Variants in KIAA0232 observed in about 807,000 individuals in gnomAD.
KIAA0232 encodes the protein KIAA0232, also known as uncharacterized protein KIAA0232.
A neutral mutation model predicts 122.0 loss-of-function variants in KIAA0232; 27 were observed. The ratio of observed to expected loss-of-function variants is 0.22; its 90% CI spans 0.16 to 0.31. The LOEUF (loss-of-function observed/expected upper bound fraction) is 0.31. Among genes scored for constraint, KIAA0232 ranks in the 10% least tolerant of loss-of-function variants. KIAA0232 has a pLI of 1.00. For missense variants in KIAA0232, 1,551 were observed against 1,634.2 expected (o/e 0.95, Z 0.88); for synonymous variants, 613 against 587.6 (o/e 1.04, Z -0.63).
chr4:6,808,370 A>G (rs1717731072), intron 2 of KIAA0232, among the ~76,000 whole-genome samples: 1 of 151,184 alleles, frequency 6.6e-6, no homozygotes, highest in Non-Finnish European at 1.5e-5. Context: ...CAGGTAATGC[A>G]GTGTCTTGGG....
At chr4:6,803,183 T>C (rs1215352830) in intron 1 of KIAA0232, among the ~76,000 whole-genome samples, 1 of 141,172 alleles carries the variant, frequency 7.1e-6, no homozygotes, top group Non-Finnish European at 1.5e-5. Flanking sequence ...CTTTACCTCT[T>C]GAAAGAAATT....
intron 4 of KIAA0232, among the ~76,000 whole-genome samples, chr4:6,856,413 C>T (rs1428679806): frequency 6.6e-6 from 1 of 152,148 alleles, no homozygotes; most frequent in Non-Finnish European, 1.5e-5. Flanking sequence ...AATTGAGACT[C>T]TTAAAAGTTA....
intron 1 of KIAA0232, among the ~76,000 whole-genome samples, chr4:6,789,765 G>T (rs1223938972): frequency 6.6e-6 from 1 of 152,156 alleles, no homozygotes; most frequent in African/African-American, 2.4e-5. Flanking sequence ...ATGCTGGCTT[G>T]CCTATAATTC....
At chr4:6,788,688 T>G (rs950112773) in intron 1 of KIAA0232, among the ~76,000 whole-genome samples, 10 of 152,248 alleles carry the variant, frequency 6.6e-5, no homozygotes, top group African/African-American at 2.4e-4. Flanking sequence ...AATGTTTGAC[T>G]GAATTAACTC....
At chr4:6,869,235 C>T (rs1220369648) in intron 7 of KIAA0232, among the ~76,000 whole-genome samples, 2 of 152,172 alleles carry the variant, frequency 1.3e-5, no homozygotes, top group Admixed American at 1.3e-4. Context: ...TCTTAATCCT[C>T]AAGAAAGGAT....
intron 2 of KIAA0232, among the ~76,000 whole-genome samples, chr4:6,808,662 C>A (rs186206409): frequency 6.6e-6 from 1 of 151,988 alleles, no homozygotes; most frequent in East Asian, 1.9e-4. Context: ...TACATGGGAT[C>A]GTGAGAGAAT....
At chr4:6,871,943 C>T in intron 8 of KIAA0232, among the ~76,000 whole-genome samples, 1 of 152,168 alleles carries the variant, frequency 6.6e-6, no homozygotes, top group East Asian at 1.9e-4. Flanking sequence ...TAAGCCACCA[C>T]TGAGTCACAG....
At chr4:6,822,022 TTC>T (rs1321557553) in intron 2 of KIAA0232, among the ~76,000 whole-genome samples, 1 of 152,164 alleles carries the variant, frequency 6.6e-6, no homozygotes, top group Non-Finnish European at 1.5e-5. Flanking sequence ...TTTAAAATTT[TTC>T]TGTTTATGAC....
At position 6,883,453 on chromosome 4, in the gene KIAA0232, C is replaced by T. The variant is rs1274082298; in HGVS notation, c.*2487C>T. On this transcript the variant is annotated 3_prime_UTR_variant, in exon 10 of 10. Transcript: ENST00000307659. The stretch of plus-strand genomic sequence containing the variant: ...TTACTCATGAGCATCCGTGGAAGAG[C>T]AAGTGCCCAGGTTACATTTGTTCTA... The T allele has an allele frequency of 6.6e-6, 1 of 152,214 alleles. No individual in the cohort carries two copies. Among genetic ancestry groups the T allele is most frequent in the Non-Finnish European group, 1.5e-5 (1 of 68,046 alleles). The allele number at this position is 152,214 out of a possible 1,614,324, so 9.4% of individuals were successfully genotyped here. A position where few individuals can be genotyped will look rare whatever the true frequency, so the allele number is the denominator to read the frequency against.
chr4:6,879,662 G>T (rs1164721885), intron 9 of KIAA0232, among the ~76,000 whole-genome samples: 3 of 152,292 alleles, frequency 2.0e-5, no homozygotes, highest in Admixed American at 2.0e-4. Context: ...CTGAGGAGGG[G>T]CCACCACTGC....
intron 2 of KIAA0232, among the ~76,000 whole-genome samples, chr4:6,818,837 C>A (rs1251694541): frequency 6.6e-6 from 1 of 152,060 alleles, no homozygotes; most frequent in Non-Finnish European, 1.5e-5. Context: ...TACTGTAAGG[C>A]TACAGTAACC....
chr4:6,827,578 G>A (rs754815933), intron 3 of KIAA0232, among the ~76,000 whole-genome samples: 5 of 152,156 alleles, frequency 3.3e-5, no homozygotes, highest in Admixed American at 6.5e-5. Flanking sequence ...AGCCATGAGC[G>A]GCCAGTTTGA....
chr4:6,792,880 C>T (rs1309706532), intron 1 of KIAA0232, among the ~76,000 whole-genome samples: 5 of 151,810 alleles, frequency 3.3e-5, no homozygotes, highest in Non-Finnish European at 5.9e-5. Flanking sequence ...TTAGTAGAGA[C>T]GGGGTTTCAC....
chr4:6,847,704 G>T (rs957566812), intron 4 of KIAA0232, among the ~76,000 whole-genome samples: 2 of 152,110 alleles, frequency 1.3e-5, no homozygotes, highest in African/African-American at 4.8e-5. Context: ...AAAGAGGAAT[G>T]GTATTGTGAA....
rs1339293686 is a variant in KIAA0232 at position 6,861,278 on chromosome 4, C to T, written c.896C>T (p.Ser299Phe). 1.2e-6 allele frequency: 2 copies of T among 1,614,040 alleles called. No individual in the cohort carries two copies. The highest frequency in any genetic ancestry group is 3.3e-5 in the Admixed American group (2 of 59,984). Residue 299 changes from serine to phenylalanine, a missense_variant, in exon 7 of 10, where the codon TCC (serine) becomes TTC (phenylalanine). Ser to Phe is a radical substitution (Grantham distance 155, BLOSUM62 -2). Transcript: ENST00000307659. ...GGCTCCAGTGAAGCAGGCTCAAGTT[C>T]CAGTGGGAATCAGGGAGAATTAAAA... ...SSGSSEAGSS[S>F]SGNQGELKAS... is the part of the protein sequence containing the mutation.
chr4:6,830,290 A>C (rs1204207702), intron 3 of KIAA0232, among the ~76,000 whole-genome samples: 1 of 152,088 alleles, frequency 6.6e-6, no homozygotes, highest in Non-Finnish European at 1.5e-5. Flanking sequence ...TGGAGCATTT[A>C]CTGGTTTAAA....
chr4:6,789,608 A>G (rs1330022556), intron 1 of KIAA0232, among the ~76,000 whole-genome samples: 7 of 152,076 alleles, frequency 4.6e-5, no homozygotes, highest in Admixed American at 2.0e-4. Context: ...ACGTTCTTTC[A>G]TTAATTTTGT....
chr4:6,862,081 T>C lies in KIAA0232; in HGVS notation c.1699T>C (p.Trp567Arg). The C allele has an allele frequency of 6.2e-7, 1 of 1,614,198 alleles. No individual in the cohort carries two copies. Among genetic ancestry groups the C allele is most frequent in the Non-Finnish European group, 8.5e-7 (1 of 1,180,032 alleles). Residue 567 changes from tryptophan (W) to arginine (R), a missense_variant, in exon 7 of 10, where the codon TGG becomes CGG. Physicochemically the swap from Trp to Arg is moderately radical, Grantham distance 101. Coordinates refer to ENST00000307659, the MANE Select transcript of KIAA0232 (RefSeq NM_014743.3). ...GMELQGERAIWTDSTSSVGAE... is the reference protein window; with the variant it reads ...GMELQGERAIRTDSTSSVGAE... The stretch of plus-strand genomic sequence containing the variant: ...GGAGTTGCAAGGGGAACGTGCAATA[T>C]GGACAGATTCTACCAGCTCCGTAGG...
chr4:6,808,889 G>T (rs1469221550), intron 2 of KIAA0232, among the ~76,000 whole-genome samples: 2 of 152,222 alleles, frequency 1.3e-5, no homozygotes. Flanking sequence ...AATGGTACAT[G>T]TGGAGGATGT....
Sources: allele counts gnomAD v4.1 joint callset (sites outside exome capture counted in the v4.1 genomes callset), GRCh38; gene constraint gnomAD v4.1.1; transcripts MANE v1.5; gene names NCBI Gene and HGNC (gene_info 2026-07-23, HGNC 2026-07-21).